The following CCDC85A variants were observed in gnomAD, a reference collection of about 807,000 sequenced individuals.
CCDC85A encodes coiled-coil domain-containing protein 85A.
A neutral mutation model predicts 50.2 loss-of-function variants in CCDC85A; 38 were observed. The observed-to-expected ratio is 0.76, with a 90% CI of 0.58 to 0.99. The LOEUF is 0.99. Among genes scored for constraint, CCDC85A ranks in the 50% least tolerant of loss-of-function variants. The pLI, the probability that CCDC85A is intolerant of heterozygous loss-of-function variation, is 0.00. For synonymous variants in CCDC85A, 366 were observed against 301.4 expected, an observed-to-expected ratio of 1.21 and a Z score of -2.22; for missense variants, 820 against 742.0, an observed-to-expected ratio of 1.11 and a Z score of -1.22.
intron 3 of CCDC85A, among the ~76,000 whole-genome samples, chr2:56,362,723 A>G (rs1356028752): frequency 6.6e-6 from 1 of 151,884 alleles, no homozygotes; most frequent in African/African-American, 2.4e-5. Flanking sequence ...GGTTCAAGTG[A>G]TTCTCCTTCC....
Position 56,384,615 on chromosome 2 carries a change from A to G in CCDC85A, c.*260A>G, listed in dbSNP as rs1307606300. The G allele has an allele frequency of 1.1e-5, 4 of 358,206 alleles. No homozygotes were observed. The highest frequency in any genetic ancestry group is 2.1e-5 in the Non-Finnish European group (4 of 193,332). 22.2% of individuals were successfully genotyped at this position (358,206 alleles called of 1,614,324 possible). A position where few individuals can be genotyped will look rare whatever the true frequency, so the allele number is the denominator to read the frequency against. Reference sequence around the variant, plus strand: ...CATCTCAAACAGAGTAGCTTTGAAAATCAACATTTTGGTACCAGTGTTTTC... The same window carrying G: ...CATCTCAAACAGAGTAGCTTTGAAAGTCAACATTTTGGTACCAGTGTTTTC... On this transcript the variant is annotated 3_prime_UTR_variant, in exon 6 of 6. Coordinates refer to ENST00000407595, the MANE Select transcript of CCDC85A (RefSeq NM_001080433.2).
In CCDC85A at chr2:56,385,800, G is replaced by T. The variant is rs968859463; in HGVS notation, c.*1445G>T. ...TCATCTATTTTCAGAAAATATTTAT[G>T]AATTAATTTACTATAGAATTATCTC... On this transcript the variant is annotated 3_prime_UTR_variant, in exon 6 of 6. Coordinates refer to ENST00000407595, the MANE Select transcript of CCDC85A (RefSeq NM_001080433.2). 2 of 151,600 alleles carry T rather than the reference G, an allele frequency of 1.3e-5. No homozygotes were observed. The highest frequency in any genetic ancestry group is 6.6e-5 in the Admixed American group (1 of 15,180). 9.4% of individuals were successfully genotyped at this position (151,600 alleles called of 1,614,324 possible).
chr2:56,304,918 AC>A (rs1481463749), intron 2 of CCDC85A, among the ~76,000 whole-genome samples: 3 of 109,702 alleles, frequency 2.7e-5, no homozygotes, highest in African/African-American at 1.1e-4. Flanking sequence ...AAAACAAAAA[AC>A]AAACAAACAA....
At chr2:56,338,915 T>G (rs1674217670) in intron 2 of CCDC85A, among the ~76,000 whole-genome samples, 2 of 152,304 alleles carry the variant, frequency 1.3e-5, no homozygotes, top group Admixed American at 6.5e-5. Flanking sequence ...CAAAACAGCC[T>G]GAGTACTCTT....
intron 2 of CCDC85A, among the ~76,000 whole-genome samples, chr2:56,246,643 T>C (rs1377971984): frequency 6.6e-6 from 1 of 152,224 alleles, no homozygotes; most frequent in Non-Finnish European, 1.5e-5. Context: ...TCCATTGAAT[T>C]GCCTTGACAC....
At chr2:56,303,169 TG>T (rs1672284829) in intron 2 of CCDC85A, among the ~76,000 whole-genome samples, 1 of 152,230 alleles carries the variant, frequency 6.6e-6, no homozygotes, top group South Asian at 2.1e-4. Flanking sequence ...TTGACTTTTT[TG>T]TCTATGTGCT....
chr2:56,328,279 G>A (rs937589902), intron 2 of CCDC85A, among the ~76,000 whole-genome samples: 1 of 152,110 alleles, frequency 6.6e-6, no homozygotes. Flanking sequence ...GAGAGAACTC[G>A]CTGAAATGCA....
intron 2 of CCDC85A, among the ~76,000 whole-genome samples, chr2:56,265,863 T>A (rs1670416956): frequency 6.6e-6 from 1 of 152,178 alleles, no homozygotes; most frequent in Non-Finnish European, 1.5e-5. Flanking sequence ...TATAGCACTA[T>A]TCATAGTAGC....
At chr2:56,358,517 A>G (rs1675350352) in intron 3 of CCDC85A, among the ~76,000 whole-genome samples, 1 of 152,208 alleles carries the variant, frequency 6.6e-6, no homozygotes, top group Non-Finnish European at 1.5e-5. Context: ...CTTTTTTAGC[A>G]AAGAGCCAGG....
rs539488474 is a variant in CCDC85A, at chr2:56,302,403, A to T, written c.1241-40476A>T. Among the ~76,000 whole-genome samples, 3 of 152,304 alleles carry T rather than the reference A, an allele frequency of 2.0e-5. No individual in the cohort carries two copies. The East Asian group carries it at 5.8e-4, about 29-fold the overall frequency. Reference sequence around the variant, plus strand: ...CAAGCTGTAATGAGGGGCTTCTGAGAGATAAATTTACTGGAATTGAGCTCA... The same window carrying T: ...CAAGCTGTAATGAGGGGCTTCTGAGTGATAAATTTACTGGAATTGAGCTCA... On this transcript the variant is annotated intron_variant, in intron 2 of 5. Transcript: ENST00000407595.
intron 2 of CCDC85A, among the ~76,000 whole-genome samples, chr2:56,296,493 A>G (rs187150915): frequency 6.9e-4 from 105 of 152,200 alleles, no homozygotes; most frequent in Middle Eastern, 3.4e-3. Context: ...CAGGCGCCCT[A>G]TTATTTTTTA....
chr2:56,303,772 C>T (rs1170741952), intron 2 of CCDC85A, among the ~76,000 whole-genome samples: 1 of 151,974 alleles, frequency 6.6e-6, no homozygotes, highest in Non-Finnish European at 1.5e-5. Flanking sequence ...TTGGTGAATG[C>T]AAGGATCAAT....
In CCDC85A at chr2:56,355,154, G is replaced by A. The variant is rs7562275; in HGVS notation, c.1317+12199G>A. Among the ~76,000 whole-genome samples the A allele has an allele frequency of 3.9e-3, 595 of 152,248 alleles. 6 individuals carry two copies. The highest frequency in any genetic ancestry group is 0.014 in the African/African-American group (562 of 41,540). ...CTGCCAGAGTCTGGCCATTCCCCAC[G>A]GCTCCTAGGATTGGAGCTCCCGAGT... On this transcript the variant is annotated intron_variant, in intron 3 of 5. Coordinates refer to ENST00000407595, the MANE Select transcript of CCDC85A (RefSeq NM_001080433.2).
intron 5 of CCDC85A, among the ~76,000 whole-genome samples, chr2:56,378,379 A>T (rs1676437889): frequency 6.6e-6 from 1 of 152,236 alleles, no homozygotes; most frequent in Admixed American, 6.5e-5. Context: ...TTTAAAATTT[A>T]TGATAACTAT....
intron 2 of CCDC85A, among the ~76,000 whole-genome samples, chr2:56,252,675 A>G (rs1669816649): frequency 6.6e-6 from 1 of 152,044 alleles, no homozygotes; most frequent in Non-Finnish European, 1.5e-5. Flanking sequence ...TATTTCTCCT[A>G]ATGTTATCCC....
At chr2:56,228,558 A>G (rs1352420338) in intron 2 of CCDC85A, among the ~76,000 whole-genome samples, 1 of 150,660 alleles carries the variant, frequency 6.6e-6, no homozygotes, top group Non-Finnish European at 1.5e-5. Flanking sequence ...TTTGAGACAG[A>G]GTTTCGCTCT....
At chr2:56,194,832 C>T (rs568000931) in intron 2 of CCDC85A, among the ~76,000 whole-genome samples, 12 of 152,290 alleles carry the variant, frequency 7.9e-5, no homozygotes, top group South Asian at 4.1e-4. Flanking sequence ...CCTTCACTCA[C>T]TCTTCCCAAG....
intron 2 of CCDC85A, among the ~76,000 whole-genome samples, chr2:56,229,646 AAT>A (rs1491585466): frequency 6.6e-6 from 1 of 152,092 alleles, no homozygotes; most frequent in East Asian, 1.9e-4. Flanking sequence ...AGGTGGCCAT[AAT>A]TTTTTTTTGT....
chr2:56,234,508 A>T (rs1417160394), intron 2 of CCDC85A, among the ~76,000 whole-genome samples: 1 of 152,216 alleles, frequency 6.6e-6, no homozygotes, highest in Non-Finnish European at 1.5e-5. Context: ...ATGATTAAAA[A>T]AAATTAAACC....
Sources: gnomAD v4.1 joint callset for allele counts (sites outside exome capture counted in the v4.1 genomes callset) on GRCh38, gnomAD v4.1.1 for gene constraint, MANE v1.5 for transcripts, NCBI Gene and HGNC (gene_info 2026-07-23, HGNC 2026-07-21) for gene names.